PRPH2: variants seen among roughly 807,000 people sequenced by gnomAD.
The protein encoded by PRPH2 is peripherin 2, also known as peripherin-2.
In PRPH2, 17 loss-of-function variants were observed where a neutral mutation model predicts 31.3. That is an observed-to-expected ratio of 0.54 (90% CI 0.37 to 0.81). The LOEUF is 0.81. PRPH2 is among the 40% of genes least tolerant of loss of function. PRPH2 has a pLI of 0.00. For synonymous variants in PRPH2, 165 were observed against 184.4 expected (o/e 0.89, Z 0.85); for missense variants, 430 against 439.7 (o/e 0.98, Z 0.20).
intron 1 of PRPH2, among the ~76,000 whole-genome samples, chr6:42,717,894 G>A (rs1290971215): frequency 1.3e-5 from 2 of 152,130 alleles, no homozygotes; most frequent in Non-Finnish European, 2.9e-5. Flanking sequence ...GACTGGGCGC[G>A]GTGGCTCATG....
Position 42,704,434 on chromosome 6 carries a change from G to C in PRPH2, c.759C>G (p.Ala253=), listed in dbSNP as rs1229331746. The part of the protein sequence containing the change: ...LNLWVRGCRA[A]LLSYYSSLMN... ...TGAGGCTGCTGTAGTAGCTCAGCAG[G>C]GCAGCCCTGCAGCCACGCACCCACA... The change falls in exon 2 of 3, where the codon GCC becomes GCG. Residue 253 remains alanine (A), a synonymous_variant. Coordinates refer to ENST00000230381, the MANE Select transcript of PRPH2 (RefSeq NM_000322.5). 1 of 1,611,716 alleles carries C rather than the reference G, an allele frequency of 6.2e-7. No homozygotes were observed. The highest frequency in any genetic ancestry group is 1.3e-5 in the African/African-American group (1 of 74,882).
At chr6:42,710,645 T>C (rs933050737) in intron 1 of PRPH2, among the ~76,000 whole-genome samples, 2 of 152,052 alleles carry the variant, frequency 1.3e-5, no homozygotes, top group East Asian at 1.9e-4. Flanking sequence ...CCGGGGGCGG[T>C]GGAGGAGGAG....
At chr6:42,709,345 A>AAAAAAAAAAAC (rs1800233291) in intron 1 of PRPH2, among the ~76,000 whole-genome samples, 6 of 89,048 alleles carry the variant, frequency 6.7e-5, no homozygotes, top group Non-Finnish European at 1.6e-4. Context: ...AAAAAAAAAA[A>AAAAAAAAAAAC]AAAAAAAAAA....
At chr6:42,702,420 T>C (rs1194918673) in intron 2 of PRPH2, among the ~76,000 whole-genome samples, 1 of 151,654 alleles carries the variant, frequency 6.6e-6, no homozygotes, top group East Asian at 1.9e-4. Context: ...TCACCAAATC[T>C]TCCTGGCTTT....
At position 42,704,377 on chromosome 6, in the gene PRPH2, A is replaced by C; in HGVS notation, c.816T>G (p.Ile272Met). 6.2e-7 allele frequency: 1 copy of C among 1,609,176 alleles called. No individual in the cohort carries two copies. The highest frequency in any genetic ancestry group is 8.5e-7 in the Non-Finnish European group (1 of 1,177,844). ...GCCCAGGGCCTACCTCGAAGAGCCAAATGAGGAGCGTGACGACACCCATGG... is the reference window on the plus strand; with the variant it reads ...GCCCAGGGCCTACCTCGAAGAGCCACATGAGGAGCGTGACGACACCCATGG... ...MNSMGVVTLLIWLFEVTITIG... is the reference protein window; with the variant it reads ...MNSMGVVTLLMWLFEVTITIG... The change falls in exon 2 of 3, where the codon ATT becomes ATG. Residue 272 changes from isoleucine to methionine, a missense_variant. Coordinates refer to ENST00000230381, the MANE Select transcript of PRPH2 (RefSeq NM_000322.5).
intron 1 of PRPH2, chr6:42,712,029 G>A (rs1460533659): frequency 3.2e-6 from 3 of 949,056 alleles, no homozygotes; most frequent in Admixed American, 6.2e-5. Context: ...TGTAGGAAAT[G>A]TTCTTGCCAC....
intron 2 of PRPH2, among the ~76,000 whole-genome samples, chr6:42,699,044 CTTCTTTTTTTTTT>C (rs139577729): frequency 0.53 from 76,746 of 144,610 alleles, 20,196 homozygotes; most frequent in African/African-American, 0.59. Flanking sequence ...ATGTGTGGTA[CTTCTTTTTTTTTT>C]TTTTTTTTTT....
chr6:42,707,583 C>G (rs1238162649), intron 1 of PRPH2, among the ~76,000 whole-genome samples: 2 of 152,278 alleles, frequency 1.3e-5, no homozygotes, highest in South Asian at 2.1e-4. Flanking sequence ...CTTTGCCAAC[C>G]TAATCTTTGA....
chr6:42,711,042 T>C (rs1800268044), intron 1 of PRPH2, among the ~76,000 whole-genome samples: 1 of 152,156 alleles, frequency 6.6e-6, no homozygotes, highest in South Asian at 2.1e-4. Context: ...GATGATTGCT[T>C]TTTTGTGTAG....
At position 42,704,699 on chromosome 6, in the gene PRPH2, G is replaced by A. The variant is rs949642229; in HGVS notation, c.582-88C>T. On this transcript the variant is annotated intron_variant, in intron 1 of 2. Transcript: ENST00000230381. ...CCCAACCCCTGCCTCTGGAAACCTA[G>A]AATAGTCATTCACTCGCACACTTGG... is the stretch of plus-strand genomic sequence containing the variant. The A allele has an allele frequency of 3.2e-5, 51 of 1,577,342 alleles. No homozygotes were observed. The South Asian group carries it at 4.5e-4, about 14-fold the overall frequency.
Position 42,696,971 on chromosome 6 carries a change from C to G in PRPH2, c.*1324G>C, listed in dbSNP as rs1455486865. On this transcript the variant is annotated 3_prime_UTR_variant, in exon 3 of 3. Coordinates refer to ENST00000230381, the MANE Select transcript of PRPH2 (RefSeq NM_000322.5). Reference sequence around the variant, plus strand: ...AAACTCAGTCCAAAGTAACCTATTCCCAAACACCATCGGTCAGAAGCAGAG... The same window carrying G: ...AAACTCAGTCCAAAGTAACCTATTCGCAAACACCATCGGTCAGAAGCAGAG... 1 of 152,026 alleles carries G rather than the reference C, an allele frequency of 6.6e-6. No homozygotes were observed. Among genetic ancestry groups the G allele is most frequent in the Non-Finnish European group, 1.5e-5 (1 of 68,028 alleles). The allele number at this position is 152,026 out of a possible 1,614,324, so 9.4% of individuals were successfully genotyped here. A position where few individuals can be genotyped will look rare whatever the true frequency, so the allele number is the denominator to read the frequency against.
rs1761910611 is a variant in PRPH2 at position 42,721,932 on chromosome 6, T to C, written c.403A>G (p.Lys135Glu). ...SLENTLGQGL[K>E]NGMKYYRDTD... ...TCCCGGTAGTACTTCATGCCGTTCT[T>C]GAGCCCTTGGCCCAGGGTGTTCTCC... The change falls in exon 1 of 3, where the codon AAG (lysine) becomes GAG (glutamate). Residue 135 changes from lysine (K) to glutamate (E), a missense_variant. By Grantham distance (56) the Lys-to-Glu change is moderately conservative (BLOSUM62 1). Transcript: ENST00000230381. 1.2e-6 allele frequency: 2 copies of C among 1,614,196 alleles called. No individual in the cohort carries two copies. Among genetic ancestry groups the C allele is most frequent in the Non-Finnish European group, 1.7e-6 (2 of 1,180,032 alleles).
At chr6:42,720,271 C>G (rs745758922) in intron 1 of PRPH2, among the ~76,000 whole-genome samples, 2 of 152,084 alleles carry the variant, frequency 1.3e-5, no homozygotes, top group African/African-American at 2.4e-5. Flanking sequence ...TGACTCTATG[C>G]AGGAGACAAT....
chr6:42,720,282 C>T (rs1761875802), intron 1 of PRPH2, among the ~76,000 whole-genome samples: 1 of 152,124 alleles, frequency 6.6e-6, no homozygotes, highest in Non-Finnish European at 1.5e-5. Context: ...AGGAGACAAT[C>T]AAGGGAAATG....
At position 42,711,997 on chromosome 6, in the gene PRPH2, G is replaced by T. The variant is rs551506214; in HGVS notation, c.582-7386C>A. 5.1e-6 allele frequency: 5 copies of T among 981,188 alleles called. No individual in the cohort carries two copies. The East Asian group carries it at 5.7e-4, about 112-fold the overall frequency. 60.8% of individuals were successfully genotyped at this position (981,188 alleles called of 1,614,324 possible). ...CCTCATGTCCTTCCTCATGTGCTAC[G>T]GTAAGATACACAGAGCGGCACTGTA... On this transcript the variant is annotated intron_variant, in intron 1 of 2. Transcript: ENST00000230381.
chr6:42,701,624 T>C (rs997012751), intron 2 of PRPH2, among the ~76,000 whole-genome samples: 2 of 149,050 alleles, frequency 1.3e-5, no homozygotes, highest in African/African-American at 4.9e-5. Flanking sequence ...TCCTCCCATC[T>C]TGGCCATCCG....
At chr6:42,707,331 A>T (rs1457026222) in intron 1 of PRPH2, among the ~76,000 whole-genome samples, 1 of 152,174 alleles carries the variant, frequency 6.6e-6, no homozygotes, top group Admixed American at 6.5e-5. Flanking sequence ...GGTTTTTCCC[A>T]GTCTCTCGTT....
At chr6:42,702,504 C>T (rs750329967) in intron 2 of PRPH2, among the ~76,000 whole-genome samples, 12 of 151,154 alleles carry the variant, frequency 7.9e-5, no homozygotes, top group Non-Finnish European at 1.8e-4. Context: ...GTCACCATGC[C>T]ACCTCATTTA....
Position 42,698,451 on chromosome 6 carries a change from G to T in PRPH2, c.885C>A (p.Asn295Lys). 1 of 1,614,182 alleles carries T rather than the reference G, an allele frequency of 6.2e-7. No individual in the cohort carries two copies. ...GGCTCTCGCTCTCAGATTCCTCGGG[G>T]TTGGACACACCATCCAGCGACGTCT... ...YLQTSLDGVSNPEESESESQG... is the reference protein window; with the variant it reads ...YLQTSLDGVSKPEESESESQG... The change falls in exon 3 of 3, where the codon AAC becomes AAA. Residue 295 changes from asparagine to lysine, a missense_variant. Transcript: ENST00000230381.
Sources: allele counts gnomAD v4.1 joint callset (sites outside exome capture counted in the v4.1 genomes callset), GRCh38; gene constraint gnomAD v4.1.1; transcripts MANE v1.5; gene names NCBI Gene and HGNC (gene_info 2026-07-23, HGNC 2026-07-21).